The following SYDE2 variants were observed in gnomAD, a reference collection of about 807,000 sequenced individuals.
The protein encoded by SYDE2 is synapse defective Rho GTPase homolog 2.
Under a neutral mutation model 91.5 loss-of-function variants are expected in SYDE2, and 76 were observed. That is an observed-to-expected ratio of 0.83 (90% CI 0.69 to 1.01). The LOEUF is 1.01. Among genes scored for constraint, SYDE2 ranks in the 50% least tolerant of loss-of-function variants. The pLI is 0.00. For missense variants in SYDE2, 1,364 were observed against 1,367.7 expected (o/e 1.00, Z 0.04); for synonymous variants, 513 against 506.4 (o/e 1.01, Z -0.18).
chr1:85,200,396 G>A lies in SYDE2; in HGVS notation c.601C>T (p.Leu201=). 6.2e-7 allele frequency: 1 copy of A among 1,614,062 alleles called. No homozygotes were observed. Among genetic ancestry groups the A allele is most frequent in the Non-Finnish European group, 8.5e-7 (1 of 1,179,910 alleles). ...GCACGACCCTTCATTCCCAGGGACA[G>A]CAGACGCCCTTTGTACATCCACTTC... is the stretch of plus-strand genomic sequence containing the variant. ...LQKWMYKGRL[L]SLGMKGRARG... The change falls in exon 1 of 7, where the codon CTG becomes TTG. Residue 201 remains leucine, a synonymous_variant. Transcript: ENST00000341460.
chr1:85,156,706 T>C (rs752579833), downstream of SYDE2, among the ~76,000 whole-genome samples: 5 of 152,158 alleles, frequency 3.3e-5, no homozygotes, highest in Non-Finnish European at 5.9e-5. Context: ...AATACAAGCA[T>C]GGCCCTTAAA....
intron 6 of SYDE2, chr1:85,160,197 A>T (rs115847127): frequency 2.0e-6 from 2 of 984,092 alleles, no homozygotes; most frequent in African/African-American, 1.7e-5. Flanking sequence ...AACATAAATC[A>T]GTGATAACAC....
At chr1:85,191,000 G>A (rs760498808) in intron 1 of SYDE2, among the ~76,000 whole-genome samples, 1 of 151,936 alleles carries the variant, frequency 6.6e-6, no homozygotes, top group African/African-American at 2.4e-5. Flanking sequence ...CTCTGAGCCT[G>A]CCTTTATAAA....
rs192842795 is a variant in SYDE2, at chr1:85,190,738, C to A, written c.760G>T (p.Ala254Ser). ...CTTCCCTTCATTGAAGACCCATAGG[C>A]ATTTTCAAATAAATCTGTTGCAAAG... ...RITLTDLFEN[A>S]YGSSMKGREL... Residue 254 changes from alanine (A) to serine (S), a missense_variant, in exon 2 of 7, where the codon GCC (alanine) becomes TCC (serine). Physicochemically the swap from Ala to Ser is moderately conservative, Grantham distance 99. Coordinates refer to ENST00000341460, the MANE Select transcript of SYDE2 (RefSeq NM_032184.2). The A allele has an allele frequency of 2.5e-6, 4 of 1,595,776 alleles. No individual in the cohort carries two copies. The East Asian group carries it at 9.0e-5, about 36-fold the overall frequency.
intron 6 of SYDE2, among the ~76,000 whole-genome samples, chr1:85,163,130 G>A (rs1237805466): frequency 6.9e-6 from 1 of 145,548 alleles, no homozygotes; most frequent in Non-Finnish European, 1.5e-5. Context: ...TTTTTGAGAC[G>A]GAGTCTCACG....
At chr1:85,165,807 A>T (rs1411760369) in intron 5 of SYDE2, among the ~76,000 whole-genome samples, 2 of 151,596 alleles carry the variant, frequency 1.3e-5, no homozygotes, top group Non-Finnish European at 2.9e-5. Flanking sequence ...ATTTAACAAA[A>T]TGAGTAATTT....
At chr1:85,199,056 G>A (rs1287373321) in intron 1 of SYDE2, among the ~76,000 whole-genome samples, 2 of 152,092 alleles carry the variant, frequency 1.3e-5, no homozygotes. Flanking sequence ...TGAATCATTT[G>A]ATTTGTCTTC....
chr1:85,182,322 TTG>T lies in SYDE2; in HGVS notation c.2318_2319del (p.Thr773LysfsTer10), dbSNP rs1557751325. ...TVVLPTLFRVTKTHQLAVKLE... is the reference protein window; with the variant it reads ...TVVLPTLFRVXKTHQLAVKLE... ...AGTTTGACAGCCAACTGATGAGTCT[TTG>T]TCACTCTAAATAAGGTGGGAAGAAC... On this transcript the variant is annotated frameshift_variant, in exon 3 of 7. Transcript: ENST00000341460. LOFTEE classifies it high-confidence loss of function. 1 of 1,613,908 alleles carries T rather than the reference TTG, an allele frequency of 6.2e-7. No individual in the cohort carries two copies. Among genetic ancestry groups the T allele is most frequent in the South Asian group, 1.1e-5 (1 of 91,062 alleles).
rs1658792108 is a variant in SYDE2, at chr1:85,200,641, G to A, written c.356C>T (p.Pro119Leu). ...RCGAHRDWDE[P>L]PPRGGRMDGW... ...GTCCATCCTGCCTCCACGTGGCGGG[G>A]GCTCGTCCCAGTCCCGGTGCGCGCC... Residue 119 changes from proline to leucine, a missense_variant, in exon 1 of 7, where the codon CCC becomes CTC. Pro to Leu is a moderately conservative substitution (Grantham distance 98). Transcript: ENST00000341460. 1 of 1,543,642 alleles carries A rather than the reference G, an allele frequency of 6.5e-7. No homozygotes were observed. The highest frequency in any genetic ancestry group is 1.2e-5 in the South Asian group (1 of 85,218).
chr1:85,190,147 A>G lies in SYDE2; in HGVS notation c.1351T>C (p.Phe451Leu). The change falls in exon 2 of 7, where the codon TTT (phenylalanine) becomes CTT (leucine). Residue 451 changes from phenylalanine to leucine, a missense_variant. Phe to Leu is a conservative substitution (Grantham distance 22, BLOSUM62 0). Transcript: ENST00000341460. The stretch of plus-strand genomic sequence containing the variant: ...AGCTTTTGCTTGTACTGCTGCACAA[A>G]TTCTGTGGAATGGGCAGGATGTATA... ...NPIHPAHSTEFVQQYKQKLGH... is the reference protein window; with the variant it reads ...NPIHPAHSTELVQQYKQKLGH... 6.2e-7 allele frequency: 1 copy of G among 1,613,988 alleles called. No homozygotes were observed. The highest frequency in any genetic ancestry group is 8.5e-7 in the Non-Finnish European group (1 of 1,179,896).
At chr1:85,160,912 T>C (rs1435183742) in intron 6 of SYDE2, 2 of 985,018 alleles carry the variant, frequency 2.0e-6, no homozygotes, top group Non-Finnish European at 2.4e-6. Context: ...ATTGTTTCTG[T>C]GTATTATCTT....
At chr1:85,164,168 A>C (rs1657180065) in intron 6 of SYDE2, among the ~76,000 whole-genome samples, 1 of 152,232 alleles carries the variant, frequency 6.6e-6, no homozygotes, top group African/African-American at 2.4e-5. Context: ...ATTTTTAAAA[A>C]TCCTAATAAA....
intron 1 of SYDE2, 196 bp downstream of exon 1, chr1:85,200,056 A>T: frequency 1.2e-6 from 1 of 836,132 alleles, no homozygotes; most frequent in Non-Finnish European, 1.4e-6. Context: ...AAAAAGAAAA[A>T]AAAAAGCAAA....
Position 85,182,735 on chromosome 1 carries a change from T to A in SYDE2, c.1907A>T (p.His636Leu), listed in dbSNP as rs1657981149. The A allele has an allele frequency of 6.2e-7, 1 of 1,613,822 alleles. No homozygotes were observed. Among genetic ancestry groups the A allele is most frequent in the Non-Finnish European group, 8.5e-7 (1 of 1,179,870 alleles). ...SPELTTKASK[H>L]GSENKFGKGK... Reference sequence around the variant, plus strand: ...TTTTCCAAATTTGTTTTCAGATCCATGTTTGCTAGCTTTAGTTGTAAGTTC... The same window carrying A: ...TTTTCCAAATTTGTTTTCAGATCCAAGTTTGCTAGCTTTAGTTGTAAGTTC... The change falls in exon 3 of 7, where the codon CAT becomes CTT. Residue 636 changes from histidine (H) to leucine (L), a missense_variant. Transcript: ENST00000341460.
At chr1:85,166,932 TG>T (rs1411789447) in intron 5 of SYDE2, among the ~76,000 whole-genome samples, 2 of 152,254 alleles carry the variant, frequency 1.3e-5, no homozygotes, top group African/African-American at 4.8e-5. Flanking sequence ...TTAGTCTGGC[TG>T]GGCGTGGTGG....
intron 3 of SYDE2, 58 bp from the exon 4 acceptor site, chr1:85,178,330 C>G: frequency 1.4e-6 from 2 of 1,431,084 alleles, no homozygotes; most frequent in Non-Finnish European, 9.5e-7. Flanking sequence ...AATATAATTG[C>G]ATTATAGATC....
At chr1:85,161,972 C>T (rs2100644197) in intron 6 of SYDE2, among the ~76,000 whole-genome samples, 1 of 152,272 alleles carries the variant, frequency 6.6e-6, no homozygotes, top group South Asian at 2.1e-4. Flanking sequence ...CCATCCCTTG[C>T]TGATCTGGCT....
In SYDE2 at chr1:85,163,442, AATCTATATATATATATATAT is replaced by A. The variant is rs1461631879; in HGVS notation, c.3085+1064_3085+1083del. On this transcript the variant is annotated intron_variant, in intron 6 of 6. Transcript: ENST00000341460. ...GAAATCAAGCATTCTCTTGTACTTT[AATCTATATATATATATATAT>A]ATATATATATATATATATAACAAAA... is the stretch of plus-strand genomic sequence containing the variant. 2.2e-3 allele frequency among the ~76,000 whole-genome samples: 113 copies of A among 50,764 alleles called. 1 individual carries two copies. Among genetic ancestry groups the A allele is most frequent in the Admixed American group, 8.2e-3 (30 of 3,672 alleles). The allele number at this position is 50,764 out of a possible 152,430, so 33.3% of individuals were successfully genotyped here.
chr1:85,193,647 G>A (rs1175005183), intron 1 of SYDE2, among the ~76,000 whole-genome samples: 2 of 152,072 alleles, frequency 1.3e-5, no homozygotes, highest in East Asian at 3.9e-4. Context: ...TTACTAGATA[G>A]GGTCTCACTC....
Sources: gnomAD v4.1 joint callset for allele counts (sites outside exome capture counted in the v4.1 genomes callset) on GRCh38, gnomAD v4.1.1 for gene constraint, MANE v1.5 for transcripts, NCBI Gene and HGNC (gene_info 2026-07-23, HGNC 2026-07-21) for gene names.